NELFB: variants seen among roughly 807,000 people sequenced by gnomAD.
The protein encoded by NELFB is negative elongation factor B.
NELFB carries 34 observed loss-of-function variants against 60.2 expected under a neutral mutation model. The ratio of observed to expected loss-of-function variants is 0.56; its 90% CI spans 0.43 to 0.75. The LOEUF (loss-of-function observed/expected upper bound fraction) is 0.75, where lower values mean the gene tolerates loss of function less well. Ranked by LOEUF, NELFB falls within the 30% of genes least tolerant of loss-of-function variation. NELFB has a pLI of 0.00. For synonymous variants in NELFB, 459 were observed against 382.1 expected, an observed-to-expected ratio of 1.20 and a Z score of -2.35; for missense variants, 770 against 831.6, an observed-to-expected ratio of 0.93 and a Z score of 0.91.
Position 137,265,054 on chromosome 9 carries a change from T to TTTTTTTTTTTTTTTTTTTTTTC in NELFB, c.1040+697_1040+698insTTTTTTTTTTTTTTTTTTTTTC, listed in dbSNP as rs1554791518. On this transcript the variant is annotated intron_variant, in intron 6 of 12. Transcript: ENST00000343053. ...TCCTTTTTTTTTTTTTTTTTTTTTT[T>TTTTTTTTTTTTTTTTTTTTTTC]CTGAGACAGGGTCTCTGTCACCCAG... 2.6e-5 allele frequency among the ~76,000 whole-genome samples: 3 copies of TTTTTTTTTTTTTTTTTTTTTTC among 114,036 alleles called. 1 individual carries two copies. 74.8% of individuals were successfully genotyped at this position (114,036 alleles called of 152,430 possible).
At position 137,266,969 on chromosome 9, in the gene NELFB, TCC is replaced by T; in HGVS notation, c.1267_1268del (p.Pro423AspfsTer9). ...GAGGTAGAGCTCATCACCAGGTTCC[TCC>T]CGATGCTCATGTCCTTCCTGGTGGA... On this transcript the variant is annotated frameshift_variant, in exon 9 of 13. Coordinates refer to ENST00000343053, the MANE Select transcript of NELFB (RefSeq NM_015456.5). LOFTEE classifies it high-confidence loss of function. 1.2e-6 allele frequency: 2 copies of T among 1,613,820 alleles called. No homozygotes were observed. Among genetic ancestry groups the T allele is most frequent in the Non-Finnish European group, 1.7e-6 (2 of 1,179,982 alleles).
At chr9:137,259,853 T>C (rs1830408820) in intron 4 of NELFB, among the ~76,000 whole-genome samples, 1 of 148,724 alleles carries the variant, frequency 6.7e-6, no homozygotes, top group African/African-American at 2.5e-5. Context: ...GCCTCCCAAG[T>C]AGCTGGGACT....
At chr9:137,259,356 C>T (rs981626406) in intron 4 of NELFB, among the ~76,000 whole-genome samples, 1 of 152,362 alleles carries the variant, frequency 6.6e-6, no homozygotes, top group Non-Finnish European at 1.5e-5. Flanking sequence ...GGTTCCTGAC[C>T]ATGTGCGTGG....
chr9:137,262,170 G>T (rs1196036887), intron 4 of NELFB, among the ~76,000 whole-genome samples: 2 of 152,172 alleles, frequency 1.3e-5, no homozygotes, highest in Non-Finnish European at 2.9e-5. Flanking sequence ...TAGGCCTCTG[G>T]ATAACTGCGG....
rs117427616 is a variant in NELFB, at chr9:137,263,030, G to C, written c.742-7G>C. On this transcript the variant is annotated splice_polypyrimidine_tract_variant and splice_region_variant and intron_variant, in intron 4 of 12. Transcript: ENST00000343053. Reference sequence around the variant, plus strand: ...GTCTGGGGGCCTGACAGTGCCTCTTGCTGCAGGTGGTGCAGCGGCTGACGC... The same window carrying C: ...GTCTGGGGGCCTGACAGTGCCTCTTCCTGCAGGTGGTGCAGCGGCTGACGC... 6.2e-7 allele frequency: 1 copy of C among 1,609,052 alleles called. No homozygotes were observed. Among genetic ancestry groups the C allele is most frequent in the East Asian group, 2.2e-5 (1 of 44,684 alleles).
chr9:137,272,491 G>T lies in NELFB; in HGVS notation c.1632-16G>T. The stretch of plus-strand genomic sequence containing the variant: ...AGGGCCTGCCTCCTGCCCCAGCCCT[G>T]CACGGCCTTTTCCAGGAAGGAGAAC... On this transcript the variant is annotated splice_polypyrimidine_tract_variant and intron_variant, in intron 11 of 12. Transcript: ENST00000343053. The T allele has an allele frequency of 6.2e-7, 1 of 1,607,354 alleles. No homozygotes were observed. The highest frequency in any genetic ancestry group is 8.5e-7 in the Non-Finnish European group (1 of 1,176,998).
intron 4 of NELFB, 106 bp downstream of exon 4, chr9:137,257,160 G>T: frequency 1.0e-6 from 1 of 988,378 alleles, no homozygotes; most frequent in African/African-American, 1.6e-5. Context: ...GAATGATCGG[G>T]TGGTTCTGCT....
intron 4 of NELFB, among the ~76,000 whole-genome samples, chr9:137,261,339 C>CAA (rs749817003): frequency 1.1e-4 from 7 of 65,628 alleles, no homozygotes; most frequent in East Asian, 4.3e-4. Context: ...GACTCGGTTT[C>CAA]AAAAAAAAAA....
chr9:137,264,221 C>T, intron 5 of NELFB, 24 bp from the exon 6 acceptor site: 1 of 1,547,736 alleles, frequency 6.5e-7, no homozygotes, highest in Non-Finnish European at 8.7e-7. Context: ...TTGGGCTGGT[C>T]CCGACCGTGC....
Position 137,263,004 on chromosome 9 carries a change from G to A in NELFB, c.742-33G>A, listed in dbSNP as rs181081290. On this transcript the variant is annotated intron_variant, in intron 4 of 12. Transcript: ENST00000343053. ...CCCTGTGTCTGGCGGAGCCCAGGAC[G>A]GTCTGGGGGCCTGACAGTGCCTCTT... 8.5e-4 allele frequency: 1,361 copies of A among 1,599,474 alleles called. 14 individuals carry two copies. In the Admixed American group the frequency reaches 0.015, roughly 18 times the overall value.
intron 4 of NELFB, among the ~76,000 whole-genome samples, chr9:137,261,104 A>C (rs996575076): frequency 2.6e-5 from 4 of 151,650 alleles, no homozygotes; most frequent in African/African-American, 9.7e-5. Flanking sequence ...GCACTTTGGG[A>C]GGCCGAGGCG....
chr9:137,260,089 G>A (rs1220812656), intron 4 of NELFB, among the ~76,000 whole-genome samples: 1 of 134,196 alleles, frequency 7.5e-6, no homozygotes, highest in Admixed American at 7.6e-5. Context: ...TTGCTCTGTT[G>A]CCCAGGCTGG....
chr9:137,270,778 C>T (rs764443564), intron 10 of NELFB, among the ~76,000 whole-genome samples: 7 of 152,014 alleles, frequency 4.6e-5, no homozygotes, highest in African/African-American at 7.2e-5. Context: ...AAAATTAGCC[C>T]GGCGCGGTGG....
intron 4 of NELFB, 108 bp downstream of exon 4, chr9:137,257,162 G>C: frequency 1.0e-6 from 1 of 969,774 alleles, no homozygotes. Flanking sequence ...ATGATCGGGT[G>C]GTTCTGCTTC....
chr9:137,257,351 C>T (rs532010704), intron 4 of NELFB, among the ~76,000 whole-genome samples: 13 of 152,328 alleles, frequency 8.5e-5, no homozygotes, highest in Non-Finnish European at 1.3e-4. Context: ...TTCTTTGAGA[C>T]GGAGTCTCGC....
intron 4 of NELFB, 105 bp from the exon 5 acceptor site, chr9:137,262,932 A>C: frequency 1.6e-6 from 2 of 1,226,064 alleles, no homozygotes; most frequent in Non-Finnish European, 2.3e-6. Context: ...AAAAGTAGGA[A>C]GGACAGATGT....
At chr9:137,262,410 CAG>C (rs1235896136) in intron 4 of NELFB, among the ~76,000 whole-genome samples, 1 of 152,234 alleles carries the variant, frequency 6.6e-6, no homozygotes, top group African/African-American at 2.4e-5. Context: ...CCAGGCATAA[CAG>C]AAGGCTCGCA....
chr9:137,260,782 C>T (rs541531803), intron 4 of NELFB, among the ~76,000 whole-genome samples: 166 of 147,798 alleles, frequency 1.1e-3, no homozygotes, highest in Non-Finnish European at 1.9e-3. Flanking sequence ...TAAATTAGGC[C>T]GGGTGCGGTG....
At chr9:137,272,741 G>T in intron 12 of NELFB, 41 bp from the exon 13 acceptor site, 1 of 1,522,664 alleles carries the variant, frequency 6.6e-7, no homozygotes. Flanking sequence ...CCCTGGGCCT[G>T]CCCATGCGCC....
Sources: allele counts gnomAD v4.1 joint callset (sites outside exome capture counted in the v4.1 genomes callset), GRCh38; gene constraint gnomAD v4.1.1; transcripts MANE v1.5; gene names NCBI Gene and HGNC (gene_info 2026-07-23, HGNC 2026-07-21).